Variants in DENND6B observed in about 807,000 individuals in gnomAD.
DENND6B encodes protein DENND6B.
DENND6B carries 73 observed loss-of-function variants against 85.1 expected under a neutral mutation model. The ratio of observed to expected loss-of-function variants is 0.86; its 90% confidence interval spans 0.71 to 1.04. The LOEUF (loss-of-function observed/expected upper bound fraction) is 1.04. DENND6B is among the 50% of genes least tolerant of loss of function. The pLI is 0.00. For missense variants in DENND6B, 715 were observed against 785.8 expected, an observed-to-expected ratio of 0.91 and a Z score of 1.08; for synonymous variants, 357 against 329.3, an observed-to-expected ratio of 1.08 and a Z score of -0.91.
chr22:50,314,397 G>A lies in DENND6B; in HGVS notation c.1072+3C>T. The stretch of plus-strand genomic sequence containing the variant: ...ACCCCCTGCACCTCACCGGGAGCCT[G>A]ACCTGACATCTTGGGCTCCCCGACT... On this transcript the variant is annotated splice_donor_region_variant and intron_variant, in intron 12 of 19. Coordinates refer to ENST00000413817, the MANE Select transcript of DENND6B (RefSeq NM_001001794.4). 1 of 1,563,682 alleles carries A rather than the reference G, an allele frequency of 6.4e-7. No homozygotes were observed. The highest frequency in any genetic ancestry group is 1.4e-5 in the African/African-American group (1 of 73,852).
chr22:50,317,136 G>A (rs1601820409), intron 5 of DENND6B, 157 bp downstream of exon 5: 1 of 677,548 alleles, frequency 1.5e-6, no homozygotes, highest in East Asian at 3.0e-5. Flanking sequence ...GACAGGGTGG[G>A]GGGGCGGCAA....
intron 1 of DENND6B, among the ~76,000 whole-genome samples, chr22:50,325,813 G>A (rs1241832635): frequency 2.0e-5 from 3 of 152,192 alleles, no homozygotes; most frequent in African/African-American, 7.2e-5. Flanking sequence ...AGGGGCTCCA[G>A]AGAGTGCTAG....
chr22:50,320,482 T>C (rs1283341181), intron 1 of DENND6B, among the ~76,000 whole-genome samples: 4 of 152,306 alleles, frequency 2.6e-5, no homozygotes, highest in African/African-American at 9.6e-5. Flanking sequence ...AAGGACCCTG[T>C]CCTGGTTACT....
intron 5 of DENND6B, 97 bp from the exon 6 acceptor site, chr22:50,316,572 C>T: frequency 1.3e-6 from 2 of 1,545,050 alleles, no homozygotes; most frequent in Non-Finnish European, 1.7e-6. Context: ...TCACCTGGAG[C>T]TGGCCCAGGG....
intron 1 of DENND6B, among the ~76,000 whole-genome samples, chr22:50,326,442 G>A (rs1165190221): frequency 6.6e-6 from 1 of 152,266 alleles, no homozygotes; most frequent in Non-Finnish European, 1.5e-5. Context: ...TATGCCCAGA[G>A]ATGGGATGCG....
Position 50,312,573 on chromosome 22 carries a change from C to A in DENND6B, c.1510G>T (p.Glu504Ter). The A allele has an allele frequency of 6.3e-7, 1 of 1,594,670 alleles. No homozygotes were observed. Among genetic ancestry groups the A allele is most frequent in the Non-Finnish European group, 8.5e-7 (1 of 1,171,340 alleles). Residue 504 changes from glutamate (E) to a stop codon, truncating the protein, a stop_gained, in exon 18 of 20, where the codon GAG (glutamate) becomes TAG (stop). Transcript: ENST00000413817. LOFTEE classifies it high-confidence loss of function. Reference sequence around the variant, plus strand: ...AGGGCCTCCAGCTTCAGGGCCATCTCCTTGTGCCGCTGCCGGTACCAGCCA... The same window carrying A: ...AGGGCCTCCAGCTTCAGGGCCATCTACTTGTGCCGCTGCCGGTACCAGCCA... ...FDGWYRQRHK[E>*]MALKLEALHL... is the part of the protein sequence containing the mutation.
Position 50,311,955 on chromosome 22 carries a change from G to A in DENND6B, c.*184C>T. On this transcript the variant is annotated 3_prime_UTR_variant, in exon 20 of 20. Transcript: ENST00000413817. ...GCCTGCGAGGAACCCCTATGGTCAA[G>A]GCCATGCTGTGGTTCCAAATGTCGC... 5 of 1,040,592 alleles carry A rather than the reference G, an allele frequency of 4.8e-6. No homozygotes were observed. Among genetic ancestry groups the A allele is most frequent in the South Asian group, 1.7e-5 (1 of 59,478 alleles). 64.5% of individuals were successfully genotyped at this position (1,040,592 alleles called of 1,614,324 possible). A position where few individuals can be genotyped will look rare whatever the true frequency, so the allele number is the denominator to read the frequency against.
At chr22:50,319,774 C>T (rs920806425) in intron 1 of DENND6B, among the ~76,000 whole-genome samples, 68 of 152,372 alleles carry the variant, frequency 4.5e-4, no homozygotes, top group African/African-American at 1.4e-3. Flanking sequence ...GCCCTCTCCC[C>T]GTCCTGCTCA....
intron 1 of DENND6B, among the ~76,000 whole-genome samples, chr22:50,320,604 C>T (rs1325666460): frequency 6.6e-6 from 1 of 152,168 alleles, no homozygotes; most frequent in Non-Finnish European, 1.5e-5. Flanking sequence ...GGGAGCTAAA[C>T]AGGCACCAAG....
At position 50,314,755 on chromosome 22, in the gene DENND6B, G is replaced by A. The variant is rs150781477; in HGVS notation, c.881+44C>T. 3.0e-3 allele frequency: 4,670 copies of A among 1,578,666 alleles called. 8 individuals are homozygous for A. The highest frequency in any genetic ancestry group is 3.5e-3 in the Non-Finnish European group (4,130 of 1,163,518). On this transcript the variant is annotated intron_variant, in intron 10 of 19. Transcript: ENST00000413817. ...AGGCAGGGGCAGCCCAGGCACAGCC[G>A]CGATGGTCCAGCTTCCCCAGCCGGG...
chr22:50,315,771 T>C lies in DENND6B; in HGVS notation c.703-2A>G, dbSNP rs2041791119. 3 of 1,532,422 alleles carry C rather than the reference T, an allele frequency of 2.0e-6. No individual in the cohort carries two copies. The highest frequency in any genetic ancestry group is 2.6e-6 in the Non-Finnish European group (3 of 1,140,880). The allele number at this position is 1,532,422 out of a possible 1,614,324, so 94.9% of individuals were successfully genotyped here. On this transcript the variant is annotated splice_acceptor_variant, in intron 8 of 19. Transcript: ENST00000413817. LOFTEE classifies it high-confidence loss of function. The stretch of plus-strand genomic sequence containing the variant: ...AACCACTGGGGCTGGCAGCAGGTTC[T>C]GAGAGGAGGAGAGTGAAGGTCAGGG...
chr22:50,314,766 G>T (rs1485427996), intron 10 of DENND6B, 33 bp downstream of exon 10: 2 of 1,585,470 alleles, frequency 1.3e-6, no homozygotes, highest in Non-Finnish European at 1.7e-6. Flanking sequence ...CGATGGTCCA[G>T]CTTCCCCAGC....
At chr22:50,324,372 ATGC>A (rs2042135693) in intron 1 of DENND6B, among the ~76,000 whole-genome samples, 1 of 152,202 alleles carries the variant, frequency 6.6e-6, no homozygotes, top group African/African-American at 2.4e-5. Flanking sequence ...ACTCACTTAC[ATGC>A]TGGGCACCAG....
chr22:50,321,283 C>T (rs758742647), intron 1 of DENND6B, among the ~76,000 whole-genome samples: 8 of 152,198 alleles, frequency 5.3e-5, no homozygotes, highest in Non-Finnish European at 7.3e-5. Context: ...CCAGAAGCCG[C>T]GGTGTGTCCT....
At chr22:50,324,623 T>G (rs569754026) in intron 1 of DENND6B, among the ~76,000 whole-genome samples, 1 of 152,150 alleles carries the variant, frequency 6.6e-6, no homozygotes, top group African/African-American at 2.4e-5. Flanking sequence ...AGGGTTTCTC[T>G]GTGTTGGTCA....
At chr22:50,315,814 C>G in intron 8 of DENND6B, 45 bp from the exon 9 acceptor site, 1 of 1,484,164 alleles carries the variant, frequency 6.7e-7, no homozygotes, top group Non-Finnish European at 9.0e-7. Context: ...GAGGCTGGCA[C>G]CCCTTGGGCC....
At position 50,318,853 on chromosome 22, in the gene DENND6B, G is replaced by A; in HGVS notation, c.253C>T (p.His85Tyr). Reference protein sequence around the residue: ...SICYLSFPDSHSGCLGDTQFS... With the variant: ...SICYLSFPDSYSGCLGDTQFS... ...GAAAGGTGGGGTTGCCTACCTGAGT[G>A]CGAGTCGGGAAAAGACAGGTAGCAG... The change falls in exon 3 of 20, where the codon CAC (histidine) becomes TAC (tyrosine). Residue 85 changes from histidine to tyrosine, a missense_variant. Transcript: ENST00000413817. The A allele has an allele frequency of 6.2e-7, 1 of 1,613,350 alleles. No individual in the cohort carries two copies. The highest frequency in any genetic ancestry group is 2.2e-5 in the East Asian group (1 of 44,886).
chr22:50,318,396 T>C, intron 3 of DENND6B, among the ~76,000 whole-genome samples: 1 of 152,172 alleles, frequency 6.6e-6, no homozygotes, highest in East Asian at 1.9e-4. Context: ...TGTTTCCCAA[T>C]GGGCTCCTAT....
chr22:50,313,969 A>G (rs2041690172), intron 13 of DENND6B, 91 bp from the exon 14 acceptor site: 1 of 1,445,614 alleles, frequency 6.9e-7, no homozygotes, highest in Non-Finnish European at 9.2e-7. Flanking sequence ...TGGGGGTCTC[A>G]TCTGCCTGCA....
Sources: allele counts gnomAD v4.1 joint callset (sites outside exome capture counted in the v4.1 genomes callset), GRCh38; gene constraint gnomAD v4.1.1; transcripts MANE v1.5; gene names NCBI Gene and HGNC (gene_info 2026-07-23, HGNC 2026-07-21).